TSPAN18: variants seen among roughly 807,000 people sequenced by gnomAD.
TSPAN18 encodes the protein tetraspanin 18, also known as tetraspanin-18.
Under a neutral mutation model 27.3 loss-of-function variants are expected in TSPAN18, and 14 were observed. That is an observed-to-expected ratio of 0.51 (90% CI 0.34 to 0.80). The LOEUF is 0.80. TSPAN18 is among the 30% of genes least tolerant of loss of function. The pLI is 0.01. For synonymous variants in TSPAN18, 143 were observed against 136.5 expected (o/e 1.05, Z -0.33); for missense variants, 268 against 323.9 (o/e 0.83, Z 1.32).
intron 2 of TSPAN18, among the ~76,000 whole-genome samples, chr11:44,848,790 G>A (rs1220361483): frequency 6.6e-6 from 1 of 152,326 alleles, no homozygotes; most frequent in East Asian, 1.9e-4. Context: ...AGTGGCACAA[G>A]GTGACAAAGG....
intron 2 of TSPAN18, among the ~76,000 whole-genome samples, chr11:44,834,858 G>T (rs1565170571): frequency 1.3e-5 from 2 of 152,188 alleles, no homozygotes; most frequent in African/African-American, 4.8e-5. Context: ...TGATTTCCCA[G>T]AAGAAGCCTA....
chr11:44,728,017 G>A lies in TSPAN18; in HGVS notation c.-240+730G>A, dbSNP rs559414584. On this transcript the variant is annotated intron_variant, in intron 1 of 9. Transcript: ENST00000520358. ...TGAGGTGACTGGGCTCCCGCCAGGGGGCGCACTGCCCCGGCCCTCGCCAGC... is the reference window on the plus strand; with the variant it reads ...TGAGGTGACTGGGCTCCCGCCAGGGAGCGCACTGCCCCGGCCCTCGCCAGC... Among the ~76,000 whole-genome samples the A allele has an allele frequency of 7.0e-4, 107 of 152,332 alleles. 3 individuals carry two copies. The highest frequency in any genetic ancestry group is 7.0e-3 in the Admixed American group (107 of 15,306).
chr11:44,929,577 A>C lies in TSPAN18; in HGVS notation c.*399A>C, dbSNP rs950120817. On this transcript the variant is annotated 3_prime_UTR_variant, in exon 10 of 10. Transcript: ENST00000520358. Reference sequence around the variant, plus strand: ...TTTAGGCAACAAGGAGGCAAAAGCAAATCTCAGAGAAGTCATCAAAGCCCA... The same window carrying C: ...TTTAGGCAACAAGGAGGCAAAAGCACATCTCAGAGAAGTCATCAAAGCCCA... 1.5e-5 allele frequency: 3 copies of C among 197,726 alleles called. No individual in the cohort carries two copies. Among genetic ancestry groups the C allele is most frequent in the Non-Finnish European group, 3.1e-5 (3 of 97,560 alleles). The allele number at this position is 197,726 out of a possible 1,614,324, so 12.2% of individuals were successfully genotyped here.
At chr11:44,782,042 A>G (rs2863120) in intron 2 of TSPAN18, among the ~76,000 whole-genome samples, 149,786 of 152,336 alleles carry the variant, frequency 0.98, 73,683 homozygotes, top group East Asian at 1. Context: ...TTATTGCTGA[A>G]TAATAGTCCA....
At chr11:44,894,415 C>T (rs1255027711) in intron 3 of TSPAN18, among the ~76,000 whole-genome samples, 2 of 152,232 alleles carry the variant, frequency 1.3e-5, no homozygotes, top group African/African-American at 2.4e-5. Flanking sequence ...GGGGGCTTCT[C>T]CATCTCTCTT....
At chr11:44,858,834 A>G (rs1181741724) in intron 2 of TSPAN18, among the ~76,000 whole-genome samples, 3 of 152,224 alleles carry the variant, frequency 2.0e-5, no homozygotes, top group Non-Finnish European at 2.9e-5. Context: ...TGAGCCCGCA[A>G]GAATGGCATG....
intron 2 of TSPAN18, among the ~76,000 whole-genome samples, chr11:44,826,901 T>G (rs536597614): frequency 6.6e-6 from 1 of 152,342 alleles, no homozygotes; most frequent in African/African-American, 2.4e-5. Flanking sequence ...CTTTTTGCCC[T>G]CCCTGACCTG....
chr11:44,856,349 G>C (rs1044146999), intron 2 of TSPAN18, among the ~76,000 whole-genome samples: 1 of 152,116 alleles, frequency 6.6e-6, no homozygotes, highest in African/African-American at 2.4e-5. Context: ...GCCCCAACAG[G>C]CGGGCTTGGC....
intron 2 of TSPAN18, among the ~76,000 whole-genome samples, chr11:44,832,859 G>A (rs1315925202): frequency 6.6e-6 from 1 of 152,000 alleles, no homozygotes; most frequent in African/African-American, 2.4e-5. Flanking sequence ...TCCACTGCTG[G>A]TCTCCTTCTT....
chr11:44,896,011 C>G (rs1859032390), intron 3 of TSPAN18, among the ~76,000 whole-genome samples: 2 of 152,326 alleles, frequency 1.3e-5, no homozygotes, highest in African/African-American at 4.8e-5. Context: ...AAAAACCACT[C>G]ACCTGTGTGC....
intron 8 of TSPAN18, among the ~76,000 whole-genome samples, chr11:44,923,949 G>A (rs1361691395): frequency 6.6e-6 from 1 of 152,186 alleles, no homozygotes; most frequent in Non-Finnish European, 1.5e-5. Flanking sequence ...AAGATGAGCT[G>A]TCAAGGCCCA....
Position 44,930,942 on chromosome 11 carries a change from A to G in TSPAN18, c.*1764A>G. On this transcript the variant is annotated 3_prime_UTR_variant, in exon 10 of 10. Transcript: ENST00000520358. ...CCTCCCCTCAGGCTTTCCAGTCACC[A>G]GGGACACTCGGAGCCACAGCCTAGA... The G allele has an allele frequency of 1.9e-6, 1 of 515,088 alleles. No homozygotes were observed. Among genetic ancestry groups the G allele is most frequent in the South Asian group, 1.5e-5 (1 of 68,326 alleles). The allele number at this position is 515,088 out of a possible 1,614,324, so 31.9% of individuals were successfully genotyped here.
chr11:44,729,797 G>T (rs1565124231), intron 1 of TSPAN18, among the ~76,000 whole-genome samples: 1 of 152,158 alleles, frequency 6.6e-6, no homozygotes, highest in Non-Finnish European at 1.5e-5. Flanking sequence ...TTAATGGTCT[G>T]AGGGGTGTGT....
At chr11:44,856,423 C>T (rs916610709) in intron 2 of TSPAN18, among the ~76,000 whole-genome samples, 6 of 152,150 alleles carry the variant, frequency 3.9e-5, no homozygotes, top group African/African-American at 1.2e-4. Context: ...CCTTTGTTTG[C>T]CCTGGTCTCT....
intron 2 of TSPAN18, among the ~76,000 whole-genome samples, chr11:44,807,068 A>G (rs2135085689): frequency 1.3e-5 from 2 of 152,062 alleles, no homozygotes; most frequent in South Asian, 4.2e-4. Context: ...TCAATAAAGG[A>G]CAGTACAAGC....
At chr11:44,928,296 C>G (rs1348760265) in intron 9 of TSPAN18, among the ~76,000 whole-genome samples, 1 of 152,232 alleles carries the variant, frequency 6.6e-6, no homozygotes, top group Non-Finnish European at 1.5e-5. Context: ...TGAGCAACTT[C>G]TAGATAAGAG....
chr11:44,887,162 C>A (rs535882309), intron 3 of TSPAN18, among the ~76,000 whole-genome samples: 4 of 152,240 alleles, frequency 2.6e-5, no homozygotes, highest in African/African-American at 4.8e-5. Flanking sequence ...GCTCTGGAAT[C>A]GACTGCTGAG....
At chr11:44,849,049 C>T (rs933699660) in intron 2 of TSPAN18, among the ~76,000 whole-genome samples, 2 of 152,220 alleles carry the variant, frequency 1.3e-5, no homozygotes, top group African/African-American at 2.4e-5. Flanking sequence ...CATCTCTTAG[C>T]TGGGTTGTTG....
In TSPAN18 at chr11:44,900,607, G is replaced by A. The variant is rs139369315; in HGVS notation, c.-10-5800G>A. On this transcript the variant is annotated intron_variant, in intron 3 of 9. Coordinates refer to ENST00000520358, the MANE Select transcript of TSPAN18 (RefSeq NM_130783.5). ...GGCACATAGTAAGAACTCAGTGTAT[G>A]CCAGTGGTTACTATTATTAGCTACC... 3.4e-5 allele frequency among the ~76,000 whole-genome samples: 5 copies of A among 147,922 alleles called. No individual in the cohort carries two copies. The East Asian group carries it at 1.0e-3, about 30-fold the overall frequency.
Sources: allele counts gnomAD v4.1 joint callset (sites outside exome capture counted in the v4.1 genomes callset), GRCh38; gene constraint gnomAD v4.1.1; transcripts MANE v1.5; gene names NCBI Gene and HGNC (gene_info 2026-07-23, HGNC 2026-07-21).